CAMK2D: variants seen among roughly 807,000 people sequenced by gnomAD.
CAMK2D encodes the protein calcium/calmodulin dependent protein kinase II delta.
A neutral mutation model predicts 84.0 loss-of-function variants in CAMK2D; 37 were observed. The observed-to-expected ratio is 0.44, with a 90% CI of 0.34 to 0.58. CAMK2D has a LOEUF of 0.58. CAMK2D is among the 20% of genes least tolerant of loss of function. The pLI is 0.02. For synonymous variants in CAMK2D, 202 were observed against 212.5 expected, an observed-to-expected ratio of 0.95 and a Z score of 0.43; for missense variants, 448 against 652.5, an observed-to-expected ratio of 0.69 and a Z score of 3.41.
intron 4 of CAMK2D, among the ~76,000 whole-genome samples, chr4:113,582,230 C>T (rs1389522884): frequency 6.6e-6 from 1 of 152,052 alleles, no homozygotes; most frequent in African/African-American, 2.4e-5. Context: ...GGTGGCCCAC[C>T]CACATAGGGT....
intron 3 of CAMK2D, among the ~76,000 whole-genome samples, chr4:113,650,478 C>T (rs1033141028): frequency 6.8e-6 from 1 of 147,642 alleles, no homozygotes; most frequent in African/African-American, 2.6e-5. Flanking sequence ...GATCGTGACA[C>T]TGCACTCTAG....
chr4:113,462,203 G>C (rs1447678922), intron 17 of CAMK2D, among the ~76,000 whole-genome samples: 3 of 151,652 alleles, frequency 2.0e-5, no homozygotes, highest in Non-Finnish European at 4.4e-5. Context: ...ACATAATCTG[G>C]GAATCACTGT....
intron 16 of CAMK2D, among the ~76,000 whole-genome samples, chr4:113,494,669 C>T (rs1465591297): frequency 6.6e-6 from 1 of 152,232 alleles, no homozygotes; most frequent in Non-Finnish European, 1.5e-5. Flanking sequence ...GGGCTCCACC[C>T]AGTTCGAGCT....
At chr4:113,758,085 TA>T (rs1413656357) in intron 2 of CAMK2D, among the ~76,000 whole-genome samples, 1 of 152,158 alleles carries the variant, frequency 6.6e-6, no homozygotes, top group Non-Finnish European at 1.5e-5. Context: ...TTTTTTAAAT[TA>T]AAATGTCACT....
chr4:113,700,406 G>T (rs1208491318), intron 2 of CAMK2D, among the ~76,000 whole-genome samples: 1 of 152,140 alleles, frequency 6.6e-6, no homozygotes, highest in Admixed American at 6.6e-5. Context: ...ACAGTGGTAA[G>T]AAAGTAGGCT....
intron 2 of CAMK2D, among the ~76,000 whole-genome samples, chr4:113,696,896 T>G (rs570134841): frequency 8.1e-6 from 1 of 123,398 alleles, no homozygotes; most frequent in African/African-American, 3.4e-5. Context: ...ATCCCCTGCA[T>G]CTAATGGAAA....
intron 16 of CAMK2D, among the ~76,000 whole-genome samples, chr4:113,498,833 A>C (rs542427305): frequency 1.3e-5 from 2 of 152,322 alleles, no homozygotes; most frequent in African/African-American, 4.8e-5. Context: ...GATTAATAGC[A>C]ATGATCCTGA....
At chr4:113,469,340 T>G (rs2097518900) in intron 16 of CAMK2D, among the ~76,000 whole-genome samples, 2 of 152,358 alleles carry the variant, frequency 1.3e-5, no homozygotes, top group East Asian at 3.9e-4. Flanking sequence ...AGTTTGCTGA[T>G]CACTCCTTCC....
chr4:113,590,939 T>G (rs1385426549), intron 4 of CAMK2D, among the ~76,000 whole-genome samples: 2 of 152,218 alleles, frequency 1.3e-5, no homozygotes, highest in Non-Finnish European at 2.9e-5. Flanking sequence ...TTCTACTTTT[T>G]GACTTATTTA....
chr4:113,599,147 C>T (rs1591735488), intron 4 of CAMK2D, among the ~76,000 whole-genome samples: 1 of 152,128 alleles, frequency 6.6e-6, no homozygotes, highest in African/African-American at 2.4e-5. Context: ...ATATCAAGAA[C>T]ACTGACAACA....
chr4:113,722,816 C>A (rs959084523), intron 2 of CAMK2D, among the ~76,000 whole-genome samples: 2 of 152,072 alleles, frequency 1.3e-5, no homozygotes, highest in Non-Finnish European at 2.9e-5. Flanking sequence ...GTTCCAAAAC[C>A]CCTTGCCTAA....
chr4:113,454,652 G>A, intron 20 of CAMK2D, 137 bp from the exon 21 acceptor site: 1 of 568,534 alleles, frequency 1.8e-6, no homozygotes. Flanking sequence ...ATGTATAAGA[G>A]ATGTTTGCTT....
At chr4:113,695,393 G>A (rs562503770) in intron 2 of CAMK2D, among the ~76,000 whole-genome samples, 46 of 151,732 alleles carry the variant, frequency 3.0e-4, no homozygotes, top group Non-Finnish European at 6.5e-4. Context: ...CATATCCAAG[G>A]GTCAACTCTC....
chr4:113,582,685 C>T (rs905362264), intron 4 of CAMK2D, among the ~76,000 whole-genome samples: 6 of 152,168 alleles, frequency 3.9e-5, no homozygotes, highest in African/African-American at 1.4e-4. Context: ...CTATTTCAGG[C>T]TGTTATTTAA....
At chr4:113,505,142 C>G (rs1413232089) in intron 13 of CAMK2D, 107 bp from the exon 14 acceptor site, 2 of 525,970 alleles carry the variant, frequency 3.8e-6, no homozygotes, top group Non-Finnish European at 6.4e-6. Context: ...AGATAAAGAG[C>G]CACTGAAGAT....
intron 2 of CAMK2D, among the ~76,000 whole-genome samples, chr4:113,672,014 T>C (rs1292741348): frequency 6.6e-6 from 1 of 152,182 alleles, no homozygotes; most frequent in African/African-American, 2.4e-5. Context: ...GAGGTGCTGC[T>C]AAGTGTGGAT....
At chr4:113,718,856 C>T (rs545257060) in intron 2 of CAMK2D, among the ~76,000 whole-genome samples, 185 of 152,168 alleles carry the variant, frequency 1.2e-3, no homozygotes, top group Non-Finnish European at 2.3e-3. Context: ...AATTTTGTCA[C>T]TATATGCTTT....
At chr4:113,643,451 G>A (rs2099140151) in intron 3 of CAMK2D, among the ~76,000 whole-genome samples, 1 of 152,182 alleles carries the variant, frequency 6.6e-6, no homozygotes, top group African/African-American at 2.4e-5. Context: ...ATAGTCCAGG[G>A]CCCAATAAAA....
chr4:113,532,040 A>C (rs1271392539), intron 7 of CAMK2D, among the ~76,000 whole-genome samples: 1 of 152,192 alleles, frequency 6.6e-6, no homozygotes, highest in Non-Finnish European at 1.5e-5. Context: ...AAACTAAAAA[A>C]AACTTTTTAA....
Sources: gnomAD v4.1 joint callset for allele counts (sites outside exome capture counted in the v4.1 genomes callset) on GRCh38, gnomAD v4.1.1 for gene constraint, MANE v1.5 for transcripts, NCBI Gene and HGNC (gene_info 2026-07-23, HGNC 2026-07-21) for gene names.